The following PPP2R2C variants were observed in gnomAD, a reference collection of about 807,000 sequenced individuals.
PPP2R2C encodes the protein protein phosphatase 2, regulatory subunit B, gamma.
A neutral mutation model predicts 45.3 loss-of-function variants in PPP2R2C; 10 were observed. The ratio of observed to expected loss-of-function variants is 0.22; its 90% CI spans 0.14 to 0.37. The LOEUF (loss-of-function observed/expected upper bound fraction) is 0.37. Among genes scored for constraint, PPP2R2C ranks in the 10% least tolerant of loss-of-function variants. PPP2R2C has a pLI of 1.00. For synonymous variants in PPP2R2C, 257 were observed against 245.4 expected (o/e 1.05, Z -0.44); for missense variants, 308 against 619.7 (o/e 0.50, Z 5.34).
chr4:6,391,787 T>C (rs1355597625), intron 1 of PPP2R2C, among the ~76,000 whole-genome samples: 2 of 152,328 alleles, frequency 1.3e-5, no homozygotes, highest in African/African-American at 4.8e-5. Flanking sequence ...GGAGGTGCCA[T>C]GGCTATGCCC....
intron 5 of PPP2R2C, among the ~76,000 whole-genome samples, chr4:6,371,584 G>C (rs527553202): frequency 1.3e-5 from 2 of 152,290 alleles, no homozygotes; most frequent in Admixed American, 1.3e-4. Flanking sequence ...GTGTGGTATG[G>C]AGGTTAGAAG....
At chr4:6,400,186 T>C (rs1717320432) in intron 1 of PPP2R2C, among the ~76,000 whole-genome samples, 2 of 152,170 alleles carry the variant, frequency 1.3e-5, no homozygotes, top group Non-Finnish European at 2.9e-5. Flanking sequence ...ACATATCTGT[T>C]TGAGGATAGA....
intron 1 of PPP2R2C, among the ~76,000 whole-genome samples, chr4:6,418,126 C>T (rs1718719350): frequency 6.6e-6 from 1 of 152,170 alleles, no homozygotes; most frequent in South Asian, 2.1e-4. Flanking sequence ...ATGGGGTGAT[C>T]ATAGCAACCT....
intron 5 of PPP2R2C, among the ~76,000 whole-genome samples, chr4:6,371,125 C>T (rs1193715897): frequency 3.3e-5 from 5 of 152,192 alleles, no homozygotes; most frequent in East Asian, 1.9e-4. Flanking sequence ...ATTGAAAAGA[C>T]GGAGTCTCGG....
intron 5 of PPP2R2C, chr4:6,350,514 G>T (rs1712448020): frequency 1.0e-6 from 1 of 985,346 alleles, no homozygotes; most frequent in South Asian, 4.7e-5. Flanking sequence ...AGGAACGTGA[G>T]TCCCACAGGA....
intron 2 of PPP2R2C, among the ~76,000 whole-genome samples, chr4:6,491,486 A>C (rs1722696522): frequency 6.6e-6 from 1 of 152,188 alleles, no homozygotes; most frequent in South Asian, 2.1e-4. Flanking sequence ...TTGAGAACCA[A>C]AGAAGTGATG....
Position 6,562,166 on chromosome 4 carries a change from G to T in PPP2R2C, c.-59+1394C>A, listed in dbSNP as rs1041665673. Among the ~76,000 whole-genome samples, 4 of 152,206 alleles carry T rather than the reference G, an allele frequency of 2.6e-5. No homozygotes were observed. The East Asian group carries it at 7.7e-4, about 29-fold the overall frequency. ...CAGGCGACCAGGGCGTGGTCAGAGT[G>T]CGGGGGACAATGAGACTGAGGAGGC... On this transcript the variant is annotated intron_variant, in intron 1 of 9. Coordinates refer to the PPP2R2C transcript ENST00000506140.
At chr4:6,529,553 C>A (rs1182627654) in intron 2 of PPP2R2C, among the ~76,000 whole-genome samples, 2 of 152,206 alleles carry the variant, frequency 1.3e-5, no homozygotes, top group East Asian at 1.9e-4. Flanking sequence ...CAGCCCTGTG[C>A]CCCCATGGAA....
chr4:6,407,139 G>A (rs879359614), intron 1 of PPP2R2C, among the ~76,000 whole-genome samples: 1 of 152,244 alleles, frequency 6.6e-6, no homozygotes, highest in South Asian at 2.1e-4. Context: ...CTGGACTGTA[G>A]AACAGGAAGA....
At position 6,562,962 on chromosome 4, in the gene PPP2R2C, C is replaced by CAAAAAAAAAAAAAAAAAAAAA. The variant is rs746793663; in HGVS notation, c.-59+597_-59+598insTTTTTTTTTTTTTTTTTTTTT. On this transcript the variant is annotated intron_variant, in intron 1 of 9. Coordinates refer to the PPP2R2C transcript ENST00000506140. ...ACTGTCATGGACTGTCCCTGCCAGC[C>CAAAAAAAAAAAAAAAAAAAAA]AAAAAAAAAAAAAAAAGGCTTCTCC... Among the ~76,000 whole-genome samples the CAAAAAAAAAAAAAAAAAAAAA allele has an allele frequency of 1.8e-4, 15 of 83,260 alleles. 1 individual carries two copies. Among genetic ancestry groups the CAAAAAAAAAAAAAAAAAAAAA allele is most frequent in the African/African-American group, 6.9e-4 (15 of 21,804 alleles). The allele number at this position is 83,260 out of a possible 152,430, so 54.6% of individuals were successfully genotyped here.
chr4:6,492,359 G>A (rs1722722622), intron 2 of PPP2R2C, among the ~76,000 whole-genome samples: 3 of 152,240 alleles, frequency 2.0e-5, no homozygotes, highest in Admixed American at 1.3e-4. Flanking sequence ...CAGACAGGGA[G>A]GTCTGGTCTT....
chr4:6,363,988 C>T (rs182420580), intron 5 of PPP2R2C, among the ~76,000 whole-genome samples: 96 of 152,320 alleles, frequency 6.3e-4, no homozygotes, highest in African/African-American at 2.3e-3. Context: ...CACTGTATTA[C>T]ACTAGTTCCA....
intron 5 of PPP2R2C, among the ~76,000 whole-genome samples, chr4:6,366,190 A>G (rs1407087539): frequency 6.6e-6 from 1 of 152,190 alleles, no homozygotes; most frequent in Non-Finnish European, 1.5e-5. Flanking sequence ...AGATTTCTTT[A>G]TTCCTTACAA....
At chr4:6,410,731 G>A in intron 1 of PPP2R2C, among the ~76,000 whole-genome samples, 1 of 152,036 alleles carries the variant, frequency 6.6e-6, no homozygotes, top group East Asian at 1.9e-4. Context: ...AGTGAGCCTG[G>A]CCAGGTCACC....
At chr4:6,552,809 G>A (rs1034644666) in intron 1 of PPP2R2C, among the ~76,000 whole-genome samples, 5 of 152,150 alleles carry the variant, frequency 3.3e-5, no homozygotes, top group Non-Finnish European at 7.3e-5. Flanking sequence ...TGCAAAAGTG[G>A]ACTTTATTGT....
intron 1 of PPP2R2C, among the ~76,000 whole-genome samples, chr4:6,419,323 G>A (rs1199988885): frequency 6.6e-6 from 1 of 152,144 alleles, no homozygotes; most frequent in Non-Finnish European, 1.5e-5. Context: ...CTACTCGGGA[G>A]GCTAAGGCAG....
chr4:6,397,995 G>A (rs903203490), intron 1 of PPP2R2C, among the ~76,000 whole-genome samples: 2 of 152,250 alleles, frequency 1.3e-5, no homozygotes, highest in Non-Finnish European at 2.9e-5. Context: ...AGACCCACAA[G>A]TCTGTGGTGA....
chr4:6,536,714 G>A (rs953015838), intron 1 of PPP2R2C, among the ~76,000 whole-genome samples: 11 of 152,260 alleles, frequency 7.2e-5, no homozygotes, highest in African/African-American at 2.4e-4. Flanking sequence ...CCCCTTGTCT[G>A]CTAGGGATTC....
chr4:6,525,949 G>A (rs777783670), intron 2 of PPP2R2C, among the ~76,000 whole-genome samples: 3 of 152,096 alleles, frequency 2.0e-5, no homozygotes, highest in African/African-American at 4.8e-5. Flanking sequence ...TGATCTGCCC[G>A]CCTCAGCCTC....
Sources: gnomAD v4.1 joint callset for allele counts (sites outside exome capture counted in the v4.1 genomes callset) on GRCh38, gnomAD v4.1.1 for gene constraint, MANE v1.5 for transcripts, NCBI Gene and HGNC (gene_info 2026-07-23, HGNC 2026-07-21) for gene names.